The following PI4KA variants were observed in gnomAD, a reference collection of about 807,000 sequenced individuals.
PI4KA encodes the protein phosphatidylinositol 4-kinase alpha.
In PI4KA, 122 loss-of-function variants were observed where a neutral mutation model predicts 271.4. The observed-to-expected ratio is 0.45, with a 90% CI of 0.39 to 0.52. PI4KA has a LOEUF of 0.52. Ranked by LOEUF, PI4KA falls within the 20% of genes least tolerant of loss-of-function variation. The probability of loss-of-function intolerance (pLI) is 0.00; values close to 1 mark genes in which losing one functional copy is unlikely to be tolerated. For missense variants in PI4KA, 1,969 were observed against 2,769.1 expected (o/e 0.71, Z 6.48); for synonymous variants, 1,041 against 1,078.8 (o/e 0.96, Z 0.69).
intron 1 of PI4KA, among the ~76,000 whole-genome samples, chr22:20,848,486 T>C (rs1329229017): frequency 6.6e-6 from 1 of 152,132 alleles, no homozygotes; most frequent in Admixed American, 6.5e-5. Flanking sequence ...ATCAAGACAG[T>C]ATACTAGCCA....
At chr22:20,856,057 G>A (rs1436977822) in intron 1 of PI4KA, among the ~76,000 whole-genome samples, 1 of 152,194 alleles carries the variant, frequency 6.6e-6, no homozygotes, top group Non-Finnish European at 1.5e-5. Flanking sequence ...CAAGGCGGGT[G>A]GATTACTTGA....
At chr22:20,851,172 C>A (rs1926920430) in intron 1 of PI4KA, among the ~76,000 whole-genome samples, 1 of 143,160 alleles carries the variant, frequency 7.0e-6, no homozygotes, top group Non-Finnish European at 1.5e-5. Context: ...CCAGCTTGGG[C>A]AACACAGTGA....
rs1932404102 is a variant in PI4KA, at chr22:20,765,110, G to A, written c.2564C>T (p.Thr855Met). ...LQYNSAMKNDTVTPAELSELR... is the reference protein window; with the variant it reads ...LQYNSAMKNDMVTPAELSELR... ...GATGTGAATCCTTACGGGGGTGACC[G>A]TGTCATTCTTCATGGCTGAGTTATA... The change falls in exon 21 of 55, where the codon ACG becomes ATG. Residue 855 changes from threonine (T) to methionine (M), a missense_variant. Physicochemically the swap from Thr to Met is moderately conservative, Grantham distance 81 (BLOSUM62 -1). This residue lies in a region of PI4KA where 368 missense variants were observed against 544.3 expected (regional missense o/e 0.68). Transcript: ENST00000255882. 6.2e-7 allele frequency: 1 copy of A among 1,612,752 alleles called. No individual in the cohort carries two copies. Among genetic ancestry groups the A allele is most frequent in the African/African-American group, 1.3e-5 (1 of 74,904 alleles).
Position 20,813,474 on chromosome 22 carries a change from G to A in PI4KA, c.889C>T (p.Pro297Ser), listed in dbSNP as rs1921335107. ...SCLPDGTALE[P>S]EYYFSTISSS... ...CTGATGGTTGAAAAGTAGTACTCAG[G>A]CTCTAGGGCAGTCCCATCGGGCAAG... Residue 297 changes from proline (P) to serine (S), a missense_variant, in exon 8 of 55, where the codon CCT becomes TCT. By Grantham distance (74) the Pro-to-Ser change is moderately conservative. Transcript: ENST00000255882. The A allele has an allele frequency of 3.1e-6, 5 of 1,614,020 alleles. No homozygotes were observed. Among genetic ancestry groups the A allele is most frequent in the South Asian group, 2.2e-5 (2 of 91,082 alleles).
chr22:20,785,860 C>A lies in PI4KA; in HGVS notation c.2328+7333G>T, dbSNP rs966425015. ...GGAGTGTGCTTCCTAAAATCCTCAACTGACAGTCCCGGAATATAAATTTTA... is the reference window on the plus strand; with the variant it reads ...GGAGTGTGCTTCCTAAAATCCTCAAATGACAGTCCCGGAATATAAATTTTA... On this transcript the variant is annotated intron_variant, in intron 19 of 54. Transcript: ENST00000255882. 2.2e-5 allele frequency: 26 copies of A among 1,195,140 alleles called. No homozygotes were observed. The African/African-American group carries it at 2.6e-4, about 12-fold the overall frequency. The allele number at this position is 1,195,140 out of a possible 1,614,324, so 74.0% of individuals were successfully genotyped here. A position where few individuals can be genotyped will look rare whatever the true frequency, so the allele number is the denominator to read the frequency against.
Position 20,709,677 on chromosome 22 carries a change from C to T in PI4KA, c.6173+231G>A, listed in dbSNP as rs1318541804. On this transcript the variant is annotated intron_variant, in intron 53 of 54. Transcript: ENST00000255882. Reference sequence around the variant, plus strand: ...GGTGGAGGTGGGTTGGGCGTAGCATCCTTGACATAAAGAGGCCCCTGGGTG... The same window carrying T: ...GGTGGAGGTGGGTTGGGCGTAGCATTCTTGACATAAAGAGGCCCCTGGGTG... Among the ~76,000 whole-genome samples, 2 of 76,460 alleles carry T rather than the reference C, an allele frequency of 2.6e-5. 1 individual carries two copies. The highest frequency in any genetic ancestry group is 0.012 in the Middle Eastern group (2 of 170). 50.2% of individuals were successfully genotyped at this position (76,460 alleles called of 152,430 possible). A position where few individuals can be genotyped will look rare whatever the true frequency, so the allele number is the denominator to read the frequency against.
chr22:20,763,161 G>A (rs1932171023), intron 22 of PI4KA, among the ~76,000 whole-genome samples: 1 of 151,750 alleles, frequency 6.6e-6, no homozygotes, highest in Non-Finnish European at 1.5e-5. Context: ...CGCCCAGGCT[G>A]CAGTGCAGTG....
intron 19 of PI4KA, chr22:20,786,868 C>T (rs1361415555): frequency 6.2e-7 from 1 of 1,614,000 alleles, no homozygotes; most frequent in Non-Finnish European, 8.5e-7. Context: ...CTTTCCTTTC[C>T]AAACAGTTCA....
At chr22:20,835,437 T>C (rs1259586142) in intron 2 of PI4KA, among the ~76,000 whole-genome samples, 1 of 152,202 alleles carries the variant, frequency 6.6e-6, no homozygotes, top group East Asian at 1.9e-4. Context: ...AAAACATGGC[T>C]GCAGCCAGGC....
chr22:20,796,383 G>A, intron 17 of PI4KA, 69 bp from the exon 18 acceptor site: 1 of 1,489,944 alleles, frequency 6.7e-7, no homozygotes, highest in South Asian at 1.2e-5. Context: ...CGGCACTGCA[G>A]GGGTGAGGCG....
At chr22:20,777,410 G>A (rs1350650601) in intron 19 of PI4KA, among the ~76,000 whole-genome samples, 5 of 152,010 alleles carry the variant, frequency 3.3e-5, no homozygotes, top group African/African-American at 1.2e-4. Context: ...TAGAGACAGG[G>A]TTTCTCCATG....
In PI4KA at chr22:20,714,667, A is replaced by C. The variant is rs2147179738; in HGVS notation, c.5351T>G (p.Val1784Gly). 6.2e-7 allele frequency: 1 copy of C among 1,614,026 alleles called. No individual in the cohort carries two copies. Among genetic ancestry groups the C allele is most frequent in the Middle Eastern group, 1.7e-4 (1 of 6,056 alleles). Residue 1784 changes from valine to glycine, a missense_variant, in exon 46 of 55, where the codon GTG (valine) becomes GGG (glycine). Val to Gly is a moderately radical substitution (Grantham distance 109, BLOSUM62 -3). Coordinates refer to ENST00000255882, the MANE Select transcript of PI4KA (RefSeq NM_058004.4). ...CCCAGACTTGTAGTCGATGTCCAGC[A>C]CAATGGCCTCAGGGTTGCTGGGCAG... ...CYLPSNPEAIVLDIDYKSGTP... is the reference protein window; with the variant it reads ...CYLPSNPEAIGLDIDYKSGTP...
In PI4KA at chr22:20,733,672, C is replaced by T. The variant is rs866117062; in HGVS notation, c.4160+64G>A. On this transcript the variant is annotated intron_variant, in intron 35 of 54. Transcript: ENST00000255882. ...TGAGTGACTTCCTGGGGGTTTGGGG[C>T]GATGGAGCACTTGGAGGGGCTGCGC... 6.9e-5 allele frequency: 111 copies of T among 1,612,954 alleles called. 1 individual carries two copies. The African/African-American group carries it at 7.6e-4, about 11-fold the overall frequency.
At chr22:20,844,525 A>C (rs911876920) in intron 1 of PI4KA, among the ~76,000 whole-genome samples, 1 of 152,224 alleles carries the variant, frequency 6.6e-6, no homozygotes, top group African/African-American at 2.4e-5. Context: ...AGGAGTTACA[A>C]AACTAATAAA....
chr22:20,778,251 A>G (rs1263562874), intron 19 of PI4KA, among the ~76,000 whole-genome samples: 1 of 152,198 alleles, frequency 6.6e-6, no homozygotes, highest in African/African-American at 2.4e-5. Context: ...CTGTAATCCC[A>G]GCACTTTGGG....
intron 42 of PI4KA, chr22:20,725,277 C>A: frequency 5.0e-6 from 1 of 200,558 alleles, no homozygotes; most frequent in South Asian, 7.3e-5. Flanking sequence ...GTGCAGTGGG[C>A]AGGCTGGCGC....
Position 20,799,593 on chromosome 22 carries a change from T to A in PI4KA, c.1820+78A>T, listed in dbSNP as rs145443222. ...AAGGAGATAAGGACAGAGGCATGCA[T>A]ACGCACAATGCCAGGTGCCCCACAC... On this transcript the variant is annotated intron_variant, in intron 15 of 54. Transcript: ENST00000255882. 2.1e-5 allele frequency: 20 copies of A among 967,048 alleles called. No homozygotes were observed. The East Asian group carries it at 4.7e-4, about 23-fold the overall frequency. The allele number at this position is 967,048 out of a possible 1,614,324, so 59.9% of individuals were successfully genotyped here.
intron 19 of PI4KA, among the ~76,000 whole-genome samples, chr22:20,774,794 G>A: frequency 6.6e-6 from 1 of 151,098 alleles, no homozygotes; most frequent in South Asian, 2.1e-4. Flanking sequence ...AAGAAAAAAT[G>A]TTAGAGGAAC....
At chr22:20,848,899 G>T (rs1490609506) in intron 1 of PI4KA, among the ~76,000 whole-genome samples, 3 of 151,932 alleles carry the variant, frequency 2.0e-5, no homozygotes, top group Non-Finnish European at 4.4e-5. Context: ...AAGTGAAAAA[G>T]CCCACAGAAT....
Sources: gnomAD v4.1 joint callset for allele counts (sites outside exome capture counted in the v4.1 genomes callset) on GRCh38, gnomAD v4.1.1 for gene constraint, gnomAD v4.1.1 regional missense constraint, MANE v1.5 for transcripts, NCBI Gene and HGNC (gene_info 2026-07-23, HGNC 2026-07-21) for gene names.